LSM3: variants seen among roughly 807,000 people sequenced by gnomAD.
The protein encoded by LSM3 is LSM3 homolog, U6 small nuclear RNA and mRNA degradation associated.
LSM3 carries 14 observed loss-of-function variants against 15.4 expected under a neutral mutation model. The ratio of observed to expected loss-of-function variants is 0.91; its 90% CI spans 0.60 to 1.42. LSM3 has a LOEUF of 1.42. Ranked by LOEUF, LSM3 falls within the 40% of genes most tolerant of loss-of-function variation. The pLI is 0.00. For synonymous variants in LSM3, 46 were observed against 45.1 expected, an observed-to-expected ratio of 1.02 and a Z score of -0.08; for missense variants, 88 against 127.9, an observed-to-expected ratio of 0.69 and a Z score of 1.50.
chr3:14,188,641 T>C (rs981186094), intron 3 of LSM3, among the ~76,000 whole-genome samples: 1 of 152,086 alleles, frequency 6.6e-6, no homozygotes, highest in Non-Finnish European at 1.5e-5. Context: ...TTTATCACAG[T>C]GCTCTTTCCC....
chr3:14,195,459 A>C lies in LSM3; in HGVS notation c.229-2577A>C, dbSNP rs193269018. 5.6e-3 allele frequency among the ~76,000 whole-genome samples: 857 copies of C among 152,328 alleles called. 4 individuals carry two copies. The highest frequency in any genetic ancestry group is 0.01 in the Non-Finnish European group (704 of 68,030). On this transcript the variant is annotated intron_variant, in intron 3 of 3. Coordinates refer to ENST00000306024, the MANE Select transcript of LSM3 (RefSeq NM_014463.3). Reference sequence around the variant, plus strand: ...ATACCTGTGAGCAAAGGGCTTTAAAAAAAAAATTATTTATGGAAAAATGAC... The same window carrying C: ...ATACCTGTGAGCAAAGGGCTTTAAACAAAAAATTATTTATGGAAAAATGAC...
intron 3 of LSM3, among the ~76,000 whole-genome samples, chr3:14,192,294 G>A (rs1238162549): frequency 6.6e-6 from 1 of 152,188 alleles, no homozygotes; most frequent in Admixed American, 6.5e-5. Flanking sequence ...AGGTCTGTTA[G>A]GTCTGCTTGG....
intron 3 of LSM3, among the ~76,000 whole-genome samples, chr3:14,186,895 A>G (rs1221159124): frequency 6.6e-6 from 1 of 152,250 alleles, no homozygotes; most frequent in Admixed American, 6.5e-5. Context: ...AAGCTTACAA[A>G]TGATACCTTA....
At chr3:14,182,494 T>G (rs1280706813) in intron 2 of LSM3, among the ~76,000 whole-genome samples, 1 of 152,250 alleles carries the variant, frequency 6.6e-6, no homozygotes, top group Non-Finnish European at 1.5e-5. Context: ...AGTAAGCATT[T>G]TTTTACATAT....
intron 3 of LSM3, among the ~76,000 whole-genome samples, chr3:14,184,373 A>G (rs1038174449): frequency 6.6e-6 from 1 of 152,258 alleles, no homozygotes; most frequent in Non-Finnish European, 1.5e-5. Flanking sequence ...AATAGTGGAC[A>G]GTGTTCTTTC....
At position 14,178,834 on chromosome 3, in the gene LSM3, G is replaced by T. The variant is rs771932117; in HGVS notation, c.-27G>T. The T allele has an allele frequency of 6.2e-7, 1 of 1,614,186 alleles. No homozygotes were observed. ...ACGTTGCTCTTGTGTTCTCGCGAGA[G>T]GCGGGAAAGGGCGCAGGGTTTGAAA... On this transcript the variant is annotated 5_prime_UTR_variant, in exon 1 of 4. The change creates a new upstream start codon in the 5' untranslated region. Coordinates refer to ENST00000306024, the MANE Select transcript of LSM3 (RefSeq NM_014463.3).
intron 3 of LSM3, among the ~76,000 whole-genome samples, chr3:14,191,845 C>T (rs925116581): frequency 1.3e-5 from 2 of 151,858 alleles, no homozygotes; most frequent in Non-Finnish European, 1.5e-5. Context: ...TTTGCTGTTG[C>T]TTCTCTAGTT....
At chr3:14,181,526 A>T in intron 1 of LSM3, 34 bp from the exon 2 acceptor site, 2 of 1,345,962 alleles carry the variant, frequency 1.5e-6, no homozygotes, top group Non-Finnish European at 2.1e-6. Context: ...CTCTGACTCT[A>T]GTACTACATT....
At chr3:14,185,029 C>G (rs1180062551) in intron 3 of LSM3, among the ~76,000 whole-genome samples, 1 of 151,506 alleles carries the variant, frequency 6.6e-6, no homozygotes, top group African/African-American at 2.4e-5. Flanking sequence ...TGCCCTCCAG[C>G]CTTGTCAACA....
chr3:14,184,082 C>G (rs376478402), intron 3 of LSM3, 50 bp downstream of exon 3: 286 of 1,562,252 alleles, frequency 1.8e-4, no homozygotes, highest in Non-Finnish European at 2.4e-4. Flanking sequence ...GCTGTTCTCT[C>G]TCGAACAGCT....
intron 3 of LSM3, among the ~76,000 whole-genome samples, chr3:14,189,624 C>T (rs1464800032): frequency 6.6e-6 from 1 of 151,968 alleles, no homozygotes; most frequent in East Asian, 1.9e-4. Flanking sequence ...CTCTTCATAT[C>T]CTTTGCCCAT....
intron 3 of LSM3, 86 bp from the exon 4 acceptor site, chr3:14,197,950 G>T: frequency 2.6e-6 from 3 of 1,171,200 alleles, no homozygotes; most frequent in South Asian, 2.6e-5. Context: ...GTGTCATGAT[G>T]AATCCATTTT....
chr3:14,184,057 G>T, intron 3 of LSM3, 25 bp downstream of exon 3: 1 of 1,588,550 alleles, frequency 6.3e-7, no homozygotes, highest in Non-Finnish European at 8.5e-7. Context: ...TCTATTCATT[G>T]CTTTGCAAAT....
chr3:14,181,939 C>T (rs901664580), intron 2 of LSM3, among the ~76,000 whole-genome samples: 2 of 152,044 alleles, frequency 1.3e-5, no homozygotes, highest in African/African-American at 2.4e-5. Context: ...GTCCTCCATT[C>T]GTAAATGTTT....
At chr3:14,185,346 T>G (rs184888276) in intron 3 of LSM3, among the ~76,000 whole-genome samples, 74 of 151,258 alleles carry the variant, frequency 4.9e-4, no homozygotes, top group African/African-American at 1.6e-3. Flanking sequence ...AGTAAGACTC[T>G]GTCTCAAAAC....
At chr3:14,187,752 T>C (rs902680348) in intron 3 of LSM3, among the ~76,000 whole-genome samples, 8 of 152,274 alleles carry the variant, frequency 5.3e-5, no homozygotes, top group Middle Eastern at 3.4e-3. Flanking sequence ...TGGGTTTTTT[T>C]CCCCCTATAA....
At chr3:14,191,465 G>A (rs978845277) in intron 3 of LSM3, among the ~76,000 whole-genome samples, 2 of 152,030 alleles carry the variant, frequency 1.3e-5, no homozygotes, top group Admixed American at 6.6e-5. Flanking sequence ...TTCAGAATTT[G>A]TATTGGTCTG....
chr3:14,194,851 G>A (rs575025835), intron 3 of LSM3, among the ~76,000 whole-genome samples: 114 of 129,222 alleles, frequency 8.8e-4, no homozygotes, highest in Non-Finnish European at 1.4e-3. Context: ...TACTAGAGTC[G>A]CCTTCTTTCT....
intron 3 of LSM3, among the ~76,000 whole-genome samples, chr3:14,188,345 T>G (rs933272119): frequency 6.6e-6 from 1 of 152,250 alleles, no homozygotes; most frequent in East Asian, 1.9e-4. Flanking sequence ...TGAGACCATA[T>G]GGTCCATATC....
Sources: allele counts gnomAD v4.1 joint callset (sites outside exome capture counted in the v4.1 genomes callset), GRCh38; gene constraint gnomAD v4.1.1; transcripts MANE v1.5; gene names NCBI Gene and HGNC (gene_info 2026-07-23, HGNC 2026-07-21).